Variants in CIC observed in about 807,000 individuals in gnomAD.
The protein encoded by CIC is protein capicua homolog.
A neutral mutation model predicts 115.7 loss-of-function variants in CIC; 18 were observed. The ratio of observed to expected loss-of-function variants is 0.16; its 90% CI spans 0.11 to 0.23. The LOEUF is 0.23. Among genes scored for constraint, CIC ranks in the 10% least tolerant of loss-of-function variants. The probability of loss-of-function intolerance (pLI) is 1.00; values close to 1 mark genes in which losing one functional copy is unlikely to be tolerated. For missense variants in CIC, 2,000 were observed against 2,159.3 expected, an observed-to-expected ratio of 0.93 and a Z score of 1.46; for synonymous variants, 1,076 against 923.0, an observed-to-expected ratio of 1.17 and a Z score of -3.01.
intron 12 of CIC, 120 bp downstream of exon 12, chr19:42,291,865 T>A: frequency 7.3e-7 from 1 of 1,372,904 alleles, no homozygotes; most frequent in Non-Finnish European, 1.0e-6. Context: ...CTTGCCATCT[T>A]CCGTGATGTC....
chr19:42,278,956 G>A (rs946665549), intron 2 of CIC, among the ~76,000 whole-genome samples: 2 of 152,244 alleles, frequency 1.3e-5, no homozygotes, highest in African/African-American at 4.8e-5. Context: ...CGGCTGTAGG[G>A]GGCGGCAGGA....
chr19:42,287,489 A>G lies in CIC; in HGVS notation c.3309+40A>G. 1 of 1,612,170 alleles carries G rather than the reference A, an allele frequency of 6.2e-7. No homozygotes were observed. Among genetic ancestry groups the G allele is most frequent in the Non-Finnish European group, 8.5e-7 (1 of 1,180,000 alleles). ...CCTGTCCTGTGCTCACCCCGTGGCC[A>G]CCCACACCTGTCTGCCAGGTCCTAA... On this transcript the variant is annotated intron_variant, in intron 5 of 20. Coordinates refer to ENST00000681038, the MANE Select transcript of CIC (RefSeq NM_001386298.1). This position sits in a 1 kb window ranked among gnomAD's most constrained non-coding sequence, Gnocchi z 8.7.
In CIC at chr19:42,288,922, A is replaced by G; in HGVS notation, c.3693A>G (p.Thr1231=). The G allele has an allele frequency of 6.2e-7, 1 of 1,613,790 alleles. No homozygotes were observed. The highest frequency in any genetic ancestry group is 8.5e-7 in the Non-Finnish European group (1 of 1,179,972). The change falls in exon 8 of 21, where the codon ACA becomes ACG. Residue 1231 remains threonine, a synonymous_variant. Transcript: ENST00000681038. The part of the protein sequence containing the change: ...SSELLSVAAQ[T]LLSSDTKAPG... ...AGCTCCTGTCCGTTGCAGCCCAGACACTCCTGAGCTCAGACACCAAGGCTC... is the reference window on the plus strand; with the variant it reads ...AGCTCCTGTCCGTTGCAGCCCAGACGCTCCTGAGCTCAGACACCAAGGCTC...
In CIC at chr19:42,293,642, C is replaced by T; in HGVS notation, c.6573C>T (p.Gly2191=). ...CAGACTGGCGCGTCCCTGGGCAGGG[C>T]CTGGAGAATCGTGGGGAGCCTCCCA... The part of the protein sequence containing the change: ...SSSDWRVPGQ[G]LENRGEPPTP... Residue 2191 remains glycine (G), a synonymous_variant, in exon 17 of 21, where the codon GGC becomes GGT. Transcript: ENST00000681038. The T allele has an allele frequency of 6.2e-7, 1 of 1,613,372 alleles. No homozygotes were observed. Among genetic ancestry groups the T allele is most frequent in the South Asian group, 1.1e-5 (1 of 91,028 alleles).
In CIC at chr19:42,292,781, G is replaced by A. The variant is rs748842207; in HGVS notation, c.6118G>A (p.Ala2040Thr). The A allele has an allele frequency of 6.2e-7, 1 of 1,613,486 alleles. No individual in the cohort carries two copies. ...GGCCACCAGCACAACCCCACCTGCAGCCACCATTCTGCCCAAGGGCCCGCC... is the reference window on the plus strand; with the variant it reads ...GGCCACCAGCACAACCCCACCTGCAACCACCATTCTGCCCAAGGGCCCGCC... ...TVATSTTPPA[A>T]TILPKGPPAP... The change falls in exon 15 of 21, where the codon GCC (alanine) becomes ACC (threonine). Residue 2040 changes from alanine (A) to threonine (T), a missense_variant. Ala to Thr is a moderately conservative substitution (Grantham distance 58). Transcript: ENST00000681038.
chr19:42,281,310 C>T (rs1463858688), intron 2 of CIC, among the ~76,000 whole-genome samples: 1 of 152,212 alleles, frequency 6.6e-6, no homozygotes, highest in African/African-American at 2.4e-5. Context: ...GAGTGCGCGT[C>T]TGCCTGTCCC....
chr19:42,291,457 C>T lies in CIC; in HGVS notation c.5416C>T (p.Pro1806Ser). 1 of 1,612,934 alleles carries T rather than the reference C, an allele frequency of 6.2e-7. No homozygotes were observed. The highest frequency in any genetic ancestry group is 1.7e-4 in the Middle Eastern group (1 of 6,058). The change falls in exon 11 of 21, where the codon CCC becomes TCC. Residue 1806 changes from proline (P) to serine (S), a missense_variant. This residue lies in a region of CIC where 1,466 missense variants were observed against 1,390.4 expected (regional missense o/e 1.05). Transcript: ENST00000681038. ...CCTGCAGTCTGTACCCTCCGCCCCACCCCCCAAAGGTGAGACCTGGGCCGG... is the reference window on the plus strand; with the variant it reads ...CCTGCAGTCTGTACCCTCCGCCCCATCCCCCAAAGGTGAGACCTGGGCCGG... Reference protein sequence around the residue: ...PILQSVPSAPPPKAQSVSPVQ... With the variant: ...PILQSVPSAPSPKAQSVSPVQ...
Position 42,290,622 on chromosome 19 carries a change from G to A in CIC, c.4581G>A (p.Ala1527=), listed in dbSNP as rs779272793. 31 of 1,613,618 alleles carry A rather than the reference G, an allele frequency of 1.9e-5. No individual in the cohort carries two copies. Among genetic ancestry groups the A allele is most frequent in the African/African-American group, 4.0e-5 (3 of 74,918 alleles). Residue 1527 remains alanine (A), a synonymous_variant, in exon 11 of 21, where the codon GCG becomes GCA. Transcript: ENST00000681038. ...AGCCACCAGGCCCCTCAGTCATCGCGGCCCCTCCCAGCGGAGGAGGAAACA... is the reference window on the plus strand; with the variant it reads ...AGCCACCAGGCCCCTCAGTCATCGCAGCCCCTCCCAGCGGAGGAGGAAACA... ...GLEPPGPSVI[A]APPSGGGNIL...
rs780245882 is a variant in CIC at position 42,290,390 on chromosome 19, C to T, written c.4349C>T (p.Ser1450Phe). 3 of 1,614,150 alleles carry T rather than the reference C, an allele frequency of 1.9e-6. No homozygotes were observed. In the East Asian group the frequency reaches 6.7e-5, roughly 36 times the overall value. The change falls in exon 11 of 21, where the codon TCC (serine) becomes TTC (phenylalanine). Residue 1450 changes from serine (S) to phenylalanine (F), a missense_variant. Around this residue, in one of 8 missense-constraint regions of CIC, gnomAD observed 1,466 missense variants for 1,390.4 expected, o/e 1.05. Transcript: ENST00000681038. ...APSSSASSPASSSASAATSFS... is the reference protein window; with the variant it reads ...APSSSASSPAFSSASAATSFS... ...TCCTCCTCTGCGTCCTCGCCTGCTT[C>T]CTCCTCAGCCTCGGCAGCCACCTCC...
Position 42,272,037 on chromosome 19 carries a change from C to T in CIC, c.254C>T (p.Pro85Leu), listed in dbSNP as rs1409082646. Reference sequence around the variant, plus strand: ...CCACTGGAGCTGCACCCTGGCGACCCGGCTCCAGGCCCAGCAGAGGACCCC... The same window carrying T: ...CCACTGGAGCTGCACCCTGGCGACCTGGCTCCAGGCCCAGCAGAGGACCCC... Reference protein sequence around the residue: ...GPPLELHPGDPAPGPAEDPKG... With the variant: ...GPPLELHPGDLAPGPAEDPKG... Residue 85 changes from proline to leucine, a missense_variant, in exon 2 of 21, where the codon CCG (proline) becomes CTG (leucine). Transcript: ENST00000681038. 3.5e-5 allele frequency: 14 copies of T among 398,704 alleles called. No individual in the cohort carries two copies. The highest frequency in any genetic ancestry group is 8.8e-5 in the Admixed American group (2 of 22,722). The allele number at this position is 398,704 out of a possible 1,614,324, so 24.7% of individuals were successfully genotyped here.
Position 42,291,478 on chromosome 19 carries a change from G to A in CIC, c.5425+12G>A. 4 of 1,613,154 alleles carry A rather than the reference G, an allele frequency of 2.5e-6. No individual in the cohort carries two copies. The highest frequency in any genetic ancestry group is 3.4e-6 in the Non-Finnish European group (4 of 1,179,986). On this transcript the variant is annotated intron_variant, in intron 11 of 20. Coordinates refer to ENST00000681038, the MANE Select transcript of CIC (RefSeq NM_001386298.1). ...CCCACCCCCCAAAGGTGAGACCTGG[G>A]CCGGGCAGCACTAGGGGAGGGGCCA...
Position 42,291,553 on chromosome 19 carries a change from T to C in CIC, c.5426-5T>C, listed in dbSNP as rs1298715224. On this transcript the variant is annotated splice_region_variant and splice_polypyrimidine_tract_variant and intron_variant, in intron 11 of 20. Transcript: ENST00000681038. The stretch of plus-strand genomic sequence containing the variant: ...CCTTTTCCTTTCTTGCCTCTTAACT[T>C]CCAGCCCAGTCAGTTTCTCCCGTGC... 5 of 1,612,948 alleles carry C rather than the reference T, an allele frequency of 3.1e-6. No individual in the cohort carries two copies. The highest frequency in any genetic ancestry group is 2.2e-5 in the East Asian group (1 of 44,896).
chr19:42,291,935 CCCA>C (rs1209032704), intron 12 of CIC, 148 bp from the exon 13 acceptor site: 1 of 1,309,166 alleles, frequency 7.6e-7, no homozygotes, highest in African/African-American at 1.5e-5. Flanking sequence ...TCTCTGTGTC[CCCA>C]CCTCTCACTG....
rs949949877 is a variant in CIC, at chr19:42,293,649, A to G, written c.6580A>G (p.Asn2194Asp). 2.2e-5 allele frequency: 35 copies of G among 1,612,996 alleles called. No homozygotes were observed. The highest frequency in any genetic ancestry group is 2.7e-5 in the Non-Finnish European group (32 of 1,179,872). The change falls in exon 17 of 21, where the codon AAT (asparagine) becomes GAT (aspartate). Residue 2194 changes from asparagine (N) to aspartate (D), a missense_variant. Asn to Asp is a conservative substitution (Grantham distance 23, BLOSUM62 1). Around this residue, in one of 8 missense-constraint regions of CIC, gnomAD observed 1,466 missense variants for 1,390.4 expected, o/e 1.05. Transcript: ENST00000681038. ...DWRVPGQGLE[N>D]RGEPPTPPSP... ...GCGCGTCCCTGGGCAGGGCCTGGAG[A>G]ATCGTGGGGAGCCTCCCACTCCTCC... is the stretch of plus-strand genomic sequence containing the variant.
intron 12 of CIC, 91 bp downstream of exon 12, chr19:42,291,836 C>A (rs1197966652): frequency 2.7e-6 from 4 of 1,501,446 alleles, no homozygotes; most frequent in Non-Finnish European, 3.7e-6. Flanking sequence ...TCTCCTTCTC[C>A]ATGTATCTGG....
At chr19:42,288,138 G>A (rs529564332) in intron 7 of CIC, among the ~76,000 whole-genome samples, 163 bp downstream of exon 7, 36 of 152,252 alleles carry the variant, frequency 2.4e-4, no homozygotes, top group Admixed American at 5.9e-4. Context: ...TTCATGTGAC[G>A]GAGCCAGGGA....
rs2038398553 is a variant in CIC at position 42,294,811 on chromosome 19, T to C, written c.7187-13T>C. ...ATCTCATCCTGTGCTCCCCACCGTT[T>C]TTCTATCTCCAGCCCAGGCCACAGC... On this transcript the variant is annotated splice_polypyrimidine_tract_variant and intron_variant, in intron 20 of 20. Transcript: ENST00000681038. 6.2e-7 allele frequency: 1 copy of C among 1,604,844 alleles called. No individual in the cohort carries two copies. Among genetic ancestry groups the C allele is most frequent in the South Asian group, 1.1e-5 (1 of 91,080 alleles).
Position 42,292,862 on chromosome 19 carries a change from A to G in CIC, c.6196+3A>G. Reference sequence around the variant, plus strand: ...TAGCCCTTTCCCCAGCGCCACAGGTAGGTGTCAGATCAACCCAGAGCAGAG... The same window carrying G: ...TAGCCCTTTCCCCAGCGCCACAGGTGGGTGTCAGATCAACCCAGAGCAGAG... On this transcript the variant is annotated splice_donor_region_variant and intron_variant, in intron 15 of 20. Coordinates refer to ENST00000681038, the MANE Select transcript of CIC (RefSeq NM_001386298.1). 2 of 1,613,736 alleles carry G rather than the reference A, an allele frequency of 1.2e-6. No individual in the cohort carries two copies. The highest frequency in any genetic ancestry group is 1.7e-6 in the Non-Finnish European group (2 of 1,179,958).
chr19:42,283,688 G>A (rs1256843324), intron 2 of CIC, among the ~76,000 whole-genome samples: 9 of 152,094 alleles, frequency 5.9e-5, no homozygotes, highest in Non-Finnish European at 1.3e-4. Flanking sequence ...GCGTGAGCGT[G>A]TTCCTCGCGC....
Sources: allele counts gnomAD v4.1 joint callset (sites outside exome capture counted in the v4.1 genomes callset), GRCh38; gene constraint gnomAD v4.1.1; regional missense constraint gnomAD v4.1.1; non-coding constraint Gnocchi (gnomAD v3.1); transcripts MANE v1.5; gene names NCBI Gene and HGNC (gene_info 2026-07-23, HGNC 2026-07-21).